The following PHEX variants were observed in gnomAD, a reference collection of about 807,000 sequenced individuals.
PHEX encodes phosphate regulating endopeptidase X-linked.
PHEX carries 16 observed loss-of-function variants against 68.0 expected under a neutral mutation model. The ratio of observed to expected loss-of-function variants is 0.24; its 90% CI spans 0.16 to 0.36. The LOEUF is 0.36. Among genes scored for constraint, PHEX ranks in the 10% least tolerant of loss-of-function variants. The pLI is 1.00. For missense variants in PHEX, 480 were observed against 575.5 expected, an observed-to-expected ratio of 0.83 and a Z score of 1.70; for synonymous variants, 208 against 205.1, an observed-to-expected ratio of 1.01 and a Z score of -0.12.
chrX:22,228,486 T>C (rs889019868), intron 20 of PHEX, among the ~76,000 whole-genome samples: 8 of 109,547 alleles, frequency 7.3e-5, no homozygotes, highest in Admixed American at 1.9e-4. Flanking sequence ...GCCTGCGGTC[T>C]TTTATTTCTT....
intron 15 of PHEX, among the ~76,000 whole-genome samples, chrX:22,190,935 GC>G (rs1308018396): frequency 1.3e-3 from 140 of 111,769 alleles, no homozygotes; most frequent in African/African-American, 4.2e-3. Flanking sequence ...TCTTATTAAC[GC>G]TAGGAAGTTA....
At chrX:22,189,692 G>T (rs1187050064) in intron 14 of PHEX, among the ~76,000 whole-genome samples, 1 of 112,289 alleles carries the variant, frequency 8.9e-6, no homozygotes, top group Non-Finnish European at 1.9e-5. Context: ...TTGCCTCTTT[G>T]CCTGTAAAGC....
chrX:22,080,716 A>G (rs774452773), intron 5 of PHEX, among the ~76,000 whole-genome samples: 1 of 99,371 alleles, frequency 1.0e-5, no homozygotes, highest in South Asian at 4.5e-4. Flanking sequence ...CTACTGGTAT[A>G]GTTAAAAAAC....
rs145290120 is a variant in PHEX, at chrX:22,073,110, G to C, written c.350-3278G>C. On this transcript the variant is annotated intron_variant, in intron 3 of 21. Coordinates refer to ENST00000379374, the MANE Select transcript of PHEX (RefSeq NM_000444.6). The stretch of plus-strand genomic sequence containing the variant: ...CTACACACAGCCTGGCAGTGTCTTA[G>C]GTTAGCATAAGTCCTTTGGCCAACA... 5.6e-3 allele frequency among the ~76,000 whole-genome samples: 621 copies of C among 111,751 alleles called. 6 individuals are homozygous for C. Among genetic ancestry groups the C allele is most frequent in the African/African-American group, 0.019 (585 of 30,804 alleles).
chrX:22,151,403 A>G (rs1602340261), intron 12 of PHEX, among the ~76,000 whole-genome samples: 1 of 111,574 alleles, frequency 9.0e-6, no homozygotes, highest in East Asian at 2.8e-4. Flanking sequence ...AAGCTTCAGG[A>G]AAGTTTTCAG....
intron 3 of PHEX, among the ~76,000 whole-genome samples, chrX:22,057,514 T>C (rs1175684147): frequency 9.1e-6 from 1 of 110,034 alleles, no homozygotes; most frequent in African/African-American, 3.3e-5. Flanking sequence ...TCACTTGAGC[T>C]GGGGAGGCCA....
intron 3 of PHEX, among the ~76,000 whole-genome samples, chrX:22,072,322 A>G (rs1928939887): frequency 9.0e-6 from 1 of 111,431 alleles, no homozygotes; most frequent in Non-Finnish European, 1.9e-5. Context: ...GAGGTAGGAG[A>G]ATCGCGTGAA....
rs1468778300 is a variant in PHEX, at chrX:22,041,265, C to CTCTCTATATATA, written c.187+2729_187+2730insCTCTATATATAT. Among the ~76,000 whole-genome samples the CTCTCTATATATA allele has an allele frequency of 3.8e-4, 28 of 72,813 alleles. 1 individual carries two copies. The highest frequency in any genetic ancestry group is 5.1e-4 in the African/African-American group (8 of 15,804). The allele number at this position is 72,813 out of a possible 115,157, so 63.2% of individuals were successfully genotyped here. On this transcript the variant is annotated intron_variant, in intron 2 of 21. Transcript: ENST00000379374. ...GATCTCTCTCTCTCTCTCTCTCTCT[C>CTCTCTATATATA]TATATATATATATATATATATATAT...
At chrX:22,058,819 T>C (rs1299229120) in intron 3 of PHEX, among the ~76,000 whole-genome samples, 1 of 112,262 alleles carries the variant, frequency 8.9e-6, no homozygotes, top group African/African-American at 3.2e-5. Context: ...CCCTTCTTTT[T>C]TCGGACATGG....
chrX:22,064,574 G>C (rs909583764), intron 3 of PHEX, among the ~76,000 whole-genome samples: 2 of 111,910 alleles, frequency 1.8e-5, no homozygotes, highest in African/African-American at 6.5e-5. Flanking sequence ...CCATGCTGCT[G>C]GTTTGGGGAC....
intron 3 of PHEX, among the ~76,000 whole-genome samples, chrX:22,063,942 A>G (rs1928484771): frequency 8.9e-6 from 1 of 112,430 alleles, no homozygotes. Context: ...GAATATGCAA[A>G]CACTGCAGTG....
At chrX:22,231,992 G>A (rs1473579599) in intron 20 of PHEX, among the ~76,000 whole-genome samples, 1 of 111,916 alleles carries the variant, frequency 8.9e-6, no homozygotes, top group South Asian at 3.7e-4. Context: ...TGGTTTCAAA[G>A]AACATCTTTA....
At chrX:22,064,363 CATT>C (rs1928508353) in intron 3 of PHEX, among the ~76,000 whole-genome samples, 1 of 111,360 alleles carries the variant, frequency 9.0e-6, no homozygotes, top group Non-Finnish European at 1.9e-5. Context: ...TGTGTTCTCT[CATT>C]ATTTAGCTCG....
intron 9 of PHEX, among the ~76,000 whole-genome samples, chrX:22,099,846 G>A (rs1477743426): frequency 1.8e-5 from 2 of 111,835 alleles, no homozygotes; most frequent in Admixed American, 9.5e-5. Context: ...GTTAATTGCT[G>A]GGCCATGATT....
chrX:22,155,847 G>A (rs941334706), intron 12 of PHEX, among the ~76,000 whole-genome samples: 8 of 111,337 alleles, frequency 7.2e-5, no homozygotes, highest in African/African-American at 2.0e-4. Context: ...GAAACCTCTT[G>A]TGTAGAAGAG....
intron 8 of PHEX, among the ~76,000 whole-genome samples, chrX:22,098,539 C>T (rs1030457583): frequency 1.9e-5 from 2 of 106,264 alleles, no homozygotes; most frequent in Non-Finnish European, 3.9e-5. Context: ...GTAATCCCAG[C>T]ACATTGGGAG....
chrX:22,110,026 T>G (rs1228047261), intron 9 of PHEX, among the ~76,000 whole-genome samples: 2 of 111,967 alleles, frequency 1.8e-5, no homozygotes, highest in Admixed American at 9.5e-5. Context: ...AACTCACATA[T>G]TTAGTAAGTA....
chrX:22,128,061 C>CTTAT (rs1337353224), intron 11 of PHEX, among the ~76,000 whole-genome samples: 1 of 111,740 alleles, frequency 8.9e-6, no homozygotes, highest in East Asian at 2.8e-4. Flanking sequence ...AAAACCTTTT[C>CTTAT]TTATTTATTT....
rs755463112 is a variant in PHEX at position 22,033,592 on chromosome X, A to G, written c.118+469A>G. Among the ~76,000 whole-genome samples the G allele has an allele frequency of 3.6e-5, 4 of 112,525 alleles. No individual in the cohort carries two copies. The South Asian group carries it at 1.5e-3, about 42-fold the overall frequency. On this transcript the variant is annotated intron_variant, in intron 1 of 21. Coordinates refer to ENST00000379374, the MANE Select transcript of PHEX (RefSeq NM_000444.6). ...TTCACAAAACACAAATCAGTCCTTT[A>G]AAGTGTGCTTTTAATGATATTCTTC... is the stretch of plus-strand genomic sequence containing the variant.
Sources: allele counts gnomAD v4.1 joint callset (sites outside exome capture counted in the v4.1 genomes callset), GRCh38; gene constraint gnomAD v4.1.1; transcripts MANE v1.5; gene names NCBI Gene and HGNC (gene_info 2026-07-23, HGNC 2026-07-21).